The following ZNF534 variants were observed in gnomAD, a reference collection of about 807,000 sequenced individuals.
ZNF534 encodes the protein zinc finger protein 534, also known as KRAB domain only 3.
Under a neutral mutation model 13.6 loss-of-function variants are expected in ZNF534, and 19 were observed. That is an observed-to-expected ratio of 1.40 (90% CI 0.97 to 2.05). ZNF534 has a LOEUF of 2.05. ZNF534 is among the 30% of genes most tolerant of loss of function. ZNF534 has a pLI of 0.00. For missense variants in ZNF534, 782 were observed against 796.3 expected (o/e 0.98, Z 0.22); for synonymous variants, 244 against 273.8 (o/e 0.89, Z 1.07).
downstream of ZNF534, among the ~76,000 whole-genome samples, chr19:52,445,549 A>T (rs895129731): frequency 3.9e-5 from 6 of 152,046 alleles, no homozygotes; most frequent in African/African-American, 1.2e-4. Context: ...TTCTCCCATG[A>T]TCTAGACCTT....
Position 52,451,467 on chromosome 19 carries a change from G to A in ZNF534, c.552G>A (p.Trp184Ter). 1 of 580,826 alleles carries A rather than the reference G, an allele frequency of 1.7e-6. No homozygotes were observed. 36.0% of individuals were successfully genotyped at this position (580,826 alleles called of 1,614,324 possible). The change falls in exon 5 of 5, where the codon TGG becomes TGA. Residue 184 changes from tryptophan (W) to a stop codon, truncating the protein, a stop_gained. Coordinates refer to the ZNF534 transcript ENST00000301085. LOFTEE classifies it high-confidence loss of function. ...ACGCCCCGGACGCTGTCCAGCGTTGGCCGCCTGAGCAGAGGCTGCCGCGGA... is the reference window on the plus strand; with the variant it reads ...ACGCCCCGGACGCTGTCCAGCGTTGACCGCCTGAGCAGAGGCTGCCGCGGA...
chr19:52,437,497 A>G (rs2059135768), intron 4 of ZNF534, among the ~76,000 whole-genome samples: 1 of 152,192 alleles, frequency 6.6e-6, no homozygotes, highest in Admixed American at 6.6e-5. Context: ...AGGCACCTGT[A>G]ATCCTAGCTA....
chr19:52,446,193 A>G (rs1156945969), downstream of ZNF534, among the ~76,000 whole-genome samples: 1 of 152,188 alleles, frequency 6.6e-6, no homozygotes, highest in Non-Finnish European at 1.5e-5. Flanking sequence ...ATAATGATAA[A>G]TAACAGAAAA....
chr19:52,436,007 G>A (rs2059126988), intron 4 of ZNF534, among the ~76,000 whole-genome samples: 1 of 144,812 alleles, frequency 6.9e-6, no homozygotes, highest in Non-Finnish European at 1.5e-5. Context: ...CATGATCTTG[G>A]CTCACTGCAA....
At chr19:52,433,329 C>G (rs2059102341) in intron 2 of ZNF534, among the ~76,000 whole-genome samples, 1 of 149,176 alleles carries the variant, frequency 6.7e-6, no homozygotes. Context: ...TACTAAATGT[C>G]ACTTGATGTG....
chr19:52,450,689 T>G (rs781044857), intron 4 of ZNF534, among the ~76,000 whole-genome samples: 2 of 25,372 alleles, frequency 7.9e-5, no homozygotes, highest in African/African-American at 2.6e-4. Context: ...TTTTTTGTTT[T>G]TGTTTTTGTT....
chr19:52,430,737 G>A (rs7256788), intron 1 of ZNF534, among the ~76,000 whole-genome samples: 1,933 of 151,602 alleles, frequency 0.013, 41 homozygotes, highest in African/African-American at 0.044. Context: ...TAGGAGAGAC[G>A]GGGTTTCACC....
At position 52,430,013 on chromosome 19, in the gene ZNF534, ATTT is replaced by A. The variant is rs907077203; in HGVS notation, c.-68+777_-68+779del. Reference sequence around the variant, plus strand: ...ACATGAGTATTGATTGATGCTGACAATTTTTTTTTTGGGTTTTTTTGAGACAGA... The same window carrying A: ...ACATGAGTATTGATTGATGCTGACAATTTTTTTGGGTTTTTTTGAGACAGA... On this transcript the variant is annotated intron_variant, in intron 1 of 4. Coordinates refer to ENST00000433050, the MANE Select transcript of ZNF534 (RefSeq NM_001143938.3). Among the ~76,000 whole-genome samples the A allele has an allele frequency of 1.2e-4, 17 of 145,752 alleles. 1 individual carries two copies. Among genetic ancestry groups the A allele is most frequent in the African/African-American group, 4.3e-4 (17 of 39,714 alleles).
At chr19:52,436,233 C>T (rs760948874) in intron 4 of ZNF534, among the ~76,000 whole-genome samples, 3 of 151,980 alleles carry the variant, frequency 2.0e-5, no homozygotes, top group Admixed American at 6.6e-5. Flanking sequence ...TCACCGTGCC[C>T]GGCCCTTATT....
intron 4 of ZNF534, among the ~76,000 whole-genome samples, chr19:52,435,930 CTTCT>C (rs1568443442): frequency 0.23 from 1,912 of 8,294 alleles, 28 homozygotes; most frequent in Non-Finnish European, 0.46. Flanking sequence ...TCTTATTTTT[CTTCT>C]TCTTCTTTTT....
At position 52,438,857 on chromosome 19, in the gene ZNF534, A is replaced by G. The variant is rs1441814878; in HGVS notation, c.1397A>G (p.Tyr466Cys). The G allele has an allele frequency of 2.5e-6, 4 of 1,611,492 alleles. No individual in the cohort carries two copies. Among genetic ancestry groups the G allele is most frequent in the Non-Finnish European group, 3.4e-6 (4 of 1,178,648 alleles). ...AGAATTCATACTGGAGAGAAGCCTTACAAATGTAACGAATGTGGCAAGGTC... is the reference window on the plus strand; with the variant it reads ...AGAATTCATACTGGAGAGAAGCCTTGCAAATGTAACGAATGTGGCAAGGTC... The part of the protein sequence containing the change: ...HCRIHTGEKP[Y>C]KCNECGKVFS... The change falls in exon 5 of 5, where the codon TAC becomes TGC. Residue 466 changes from tyrosine (Y) to cysteine (C), a missense_variant. Coordinates refer to ENST00000433050, the MANE Select transcript of ZNF534 (RefSeq NM_001143938.3).
At chr19:52,442,986 G>A (rs150628922), downstream of ZNF534, among the ~76,000 whole-genome samples, 291 of 152,296 alleles carry the variant, frequency 1.9e-3, 1 homozygote, top group African/African-American at 6.5e-3. Flanking sequence ...AATAGAGCAT[G>A]CCATTAAAGG....
chr19:52,432,965 G>A (rs1199979244), intron 2 of ZNF534, among the ~76,000 whole-genome samples: 1 of 151,990 alleles, frequency 6.6e-6, no homozygotes, highest in Non-Finnish European at 1.5e-5. Context: ...ACTATAGGTC[G>A]GATGTGGTAG....
chr19:52,434,723 T>C (rs1255525557), intron 3 of ZNF534, among the ~76,000 whole-genome samples: 1 of 144,858 alleles, frequency 6.9e-6, no homozygotes, highest in South Asian at 2.2e-4. Flanking sequence ...AGAGTGAGAC[T>C]CTGTCTCAAA....
chr19:52,439,342 C>T lies in ZNF534; in HGVS notation c.1882C>T (p.His628Tyr). 6.4e-7 allele frequency: 1 copy of T among 1,553,282 alleles called. No homozygotes were observed. Among genetic ancestry groups the T allele is most frequent in the African/African-American group, 1.4e-5 (1 of 73,164 alleles). ...NSRLAQHRNI[H>Y]TGVKPYSCNE... ...ACGCCTTGCACAACATAGGAATATTCATACTGGAGTGAAGCCTTACAGTTG... is the reference window on the plus strand; with the variant it reads ...ACGCCTTGCACAACATAGGAATATTTATACTGGAGTGAAGCCTTACAGTTG... Residue 628 changes from histidine to tyrosine, a missense_variant, in exon 5 of 5, where the codon CAT becomes TAT. His to Tyr is a moderately conservative substitution (Grantham distance 83, BLOSUM62 2). Transcript: ENST00000433050.
intron 2 of ZNF534, among the ~76,000 whole-genome samples, chr19:52,432,020 G>C (rs1285042087): frequency 1.3e-5 from 2 of 151,776 alleles, no homozygotes; most frequent in African/African-American, 4.8e-5. Context: ...GCACAGATGA[G>C]CAAACCTATA....
chr19:52,434,076 C>G lies in ZNF534; in HGVS notation c.137C>G (p.Ser46Cys). 6.2e-7 allele frequency: 1 copy of G among 1,613,650 alleles called. No homozygotes were observed. Among genetic ancestry groups the G allele is most frequent in the Non-Finnish European group, 8.5e-7 (1 of 1,179,860 alleles). Residue 46 changes from serine (S) to cysteine (C), a missense_variant, in exon 3 of 5, where the codon TCC (serine) becomes TGC (cysteine). By Grantham distance (112) the Ser-to-Cys change is moderately radical. This residue lies in a region of ZNF534 where 81 missense variants were observed against 63.5 expected (regional missense o/e 1.28). Transcript: ENST00000433050. The part of the protein sequence containing the change: ...VMLENYRNLV[S>C]LGICLPDLSV... Reference sequence around the variant, plus strand: ...TTAGAGAACTACAGGAACCTGGTCTCCCTAGGTGAGGATAATGTCCGTCCA... The same window carrying G: ...TTAGAGAACTACAGGAACCTGGTCTGCCTAGGTGAGGATAATGTCCGTCCA...
At chr19:52,434,949 G>A in intron 3 of ZNF534, 132 bp from the exon 4 acceptor site, 1 of 1,155,722 alleles carries the variant, frequency 8.7e-7, no homozygotes. Flanking sequence ...GCATTCAGAA[G>A]GATGCAATCA....
At position 52,441,918 on chromosome 19, in the gene ZNF534, CTG is replaced by C. The variant is rs1465807524; in HGVS notation, c.*2476_*2477del. ...TTATTCATGAAAGAGTCCTTACAAG[CTG>C]TGTACGGAAAGCTCGTCATGAGTTT... On this transcript the variant is annotated 3_prime_UTR_variant, in exon 5 of 5. Coordinates refer to ENST00000433050, the MANE Select transcript of ZNF534 (RefSeq NM_001143938.3). Among the ~76,000 whole-genome samples the C allele has an allele frequency of 1.9e-4, 29 of 152,208 alleles. 1 individual carries two copies. The highest frequency in any genetic ancestry group is 4.3e-4 in the African/African-American group (18 of 41,450).
Sources: allele counts gnomAD v4.1 joint callset (sites outside exome capture counted in the v4.1 genomes callset), GRCh38; gene constraint gnomAD v4.1.1; regional missense constraint gnomAD v4.1.1; transcripts MANE v1.5; gene names NCBI Gene and HGNC (gene_info 2026-07-23, HGNC 2026-07-21).